ERCC4: variants seen among roughly 807,000 people sequenced by gnomAD.
ERCC4 encodes the protein ERCC excision repair 4, endonuclease catalytic subunit.
In ERCC4, 65 loss-of-function variants were observed where a neutral mutation model predicts 76.9. The observed-to-expected ratio is 0.84, with a 90% confidence interval of 0.69 to 1.04. The LOEUF is 1.04. Among genes scored for constraint, ERCC4 ranks in the 50% least tolerant of loss-of-function variants. ERCC4 has a pLI of 0.00. For missense variants in ERCC4, 1,214 were observed against 1,128.2 expected (o/e 1.08, Z -1.09); for synonymous variants, 463 against 410.1 (o/e 1.13, Z -1.56).
At chr16:13,934,325 C>T in intron 7 of ERCC4, 23 bp downstream of exon 7, 1 of 1,474,938 alleles carries the variant, frequency 6.8e-7, no homozygotes, top group Non-Finnish European at 9.5e-7. Flanking sequence ...GAGATGAAAA[C>T]ATTTGCTTCC....
At chr16:13,926,967 A>G (rs1302644670) in intron 3 of ERCC4, among the ~76,000 whole-genome samples, 1 of 152,176 alleles carries the variant, frequency 6.6e-6, no homozygotes, top group Non-Finnish European at 1.5e-5. Flanking sequence ...GAGCAATTTG[A>G]TGGTTGCTTT....
rs138583819 is a variant in ERCC4, at chr16:13,948,096, G to T, written c.2500G>T (p.Asp834Tyr). The T allele has an allele frequency of 5.8e-5, 93 of 1,614,026 alleles. No homozygotes were observed. Among genetic ancestry groups the T allele is most frequent in the Non-Finnish European group, 7.2e-5 (85 of 1,180,042 alleles). The change falls in exon 11 of 11, where the codon GAT (aspartate) becomes TAT (tyrosine). Residue 834 changes from aspartate to tyrosine, a missense_variant. Coordinates refer to ENST00000311895, the MANE Select transcript of ERCC4 (RefSeq NM_005236.3). ...DAATALAITA[D>Y]SETLPESEKY... ...GGCGACAGCACTGGCCATTACAGCA[G>T]ATTCTGAAACCCTTCCCGAGTCAGA...
intron 10 of ERCC4, among the ~76,000 whole-genome samples, chr16:13,946,832 C>G (rs540586790): frequency 1.3e-4 from 20 of 152,282 alleles, no homozygotes; most frequent in Non-Finnish European, 2.4e-4. Context: ...GCAGTCTCGG[C>G]TAACTGCAAC....
intron 2 of ERCC4, among the ~76,000 whole-genome samples, chr16:13,923,561 T>C (rs1383191971): frequency 1.3e-5 from 2 of 152,234 alleles, no homozygotes; most frequent in African/African-American, 4.8e-5. Context: ...ACTTTTATAA[T>C]TGTTATAAAC....
At position 13,947,811 on chromosome 16, in the gene ERCC4, G is replaced by A. The variant is rs765235917; in HGVS notation, c.2215G>A (p.Gly739Ser). The A allele has an allele frequency of 8.7e-6, 14 of 1,614,154 alleles. No homozygotes were observed. Among genetic ancestry groups the A allele is most frequent in the Admixed American group, 3.3e-5 (2 of 60,014 alleles). ...ISDLIGSLNN[G>S]RLYSQCISMS... ...TGATTTAATCGGCTCTTTAAATAAC[G>A]GCCGCCTCTACAGCCAGTGCATCTC... The change falls in exon 11 of 11, where the codon GGC becomes AGC. Residue 739 changes from glycine (G) to serine (S), a missense_variant. Coordinates refer to ENST00000311895, the MANE Select transcript of ERCC4 (RefSeq NM_005236.3).
chr16:13,947,454 A>T (rs977618149), intron 10 of ERCC4, among the ~76,000 whole-genome samples, 160 bp from the exon 11 acceptor site: 11 of 152,238 alleles, frequency 7.2e-5, no homozygotes, highest in African/African-American at 2.4e-4. Flanking sequence ...TACTTTATAA[A>T]CAAATCTTTT....
At chr16:13,923,431 C>A (rs1403457868) in intron 2 of ERCC4, among the ~76,000 whole-genome samples, 1 of 152,152 alleles carries the variant, frequency 6.6e-6, no homozygotes, top group Non-Finnish European at 1.5e-5. Flanking sequence ...AATCTTATTC[C>A]CACTGTATCT....
In ERCC4 at chr16:13,948,118, C is replaced by T. The variant is rs1483270175; in HGVS notation, c.2522C>T (p.Ser841Leu). ...ITADSETLPE[S>L]EKYNPGPQDF... is the part of the protein sequence containing the mutation. ...GCAGATTCTGAAACCCTTCCCGAGT[C>T]AGAGAAGTATAATCCTGGTCCCCAA... The change falls in exon 11 of 11, where the codon TCA becomes TTA. Residue 841 changes from serine (S) to leucine (L), a missense_variant. Ser to Leu is a moderately radical substitution (Grantham distance 145). Coordinates refer to ENST00000311895, the MANE Select transcript of ERCC4 (RefSeq NM_005236.3). 3 of 1,614,024 alleles carry T rather than the reference C, an allele frequency of 1.9e-6. No homozygotes were observed. The African/African-American group carries it at 4.0e-5, about 22-fold the overall frequency.
At chr16:13,946,751 TGTTTG>T (rs2032521227) in intron 10 of ERCC4, among the ~76,000 whole-genome samples, 2 of 151,792 alleles carry the variant, frequency 1.3e-5, no homozygotes, top group Non-Finnish European at 2.9e-5. Flanking sequence ...TTTTTTTGTT[TGTTTG>T]TTTGTTTGTT....
chr16:13,951,460 G>T lies in ERCC4; in HGVS notation c.*3113G>T, dbSNP rs2032628744. ...CCTCTTTTGATACTTTCTTAAAATT[G>T]TGCAAGAAGAAATCATTTTTAGTAG... On this transcript the variant is annotated 3_prime_UTR_variant, in exon 11 of 11. Transcript: ENST00000311895. The T allele has an allele frequency of 4.8e-6, 1 of 207,072 alleles. No homozygotes were observed. Among genetic ancestry groups the T allele is most frequent in the South Asian group, 1.9e-4 (1 of 5,280 alleles). The allele number at this position is 207,072 out of a possible 1,614,324, so 12.8% of individuals were successfully genotyped here.
intron 1 of ERCC4, among the ~76,000 whole-genome samples, chr16:13,921,656 T>C (rs1462021398): frequency 6.6e-6 from 1 of 152,222 alleles, no homozygotes. Context: ...GGGGAAAGGA[T>C]TCCCTTGTTA....
At chr16:13,933,693 G>A (rs1450206831) in intron 6 of ERCC4, 1 of 153,110 alleles carries the variant, frequency 6.5e-6, no homozygotes. Flanking sequence ...GGCAGTAAGA[G>A]TGAAACTTCG....
In ERCC4 at chr16:13,949,948, C is replaced by T. The variant is rs747753243; in HGVS notation, c.*1601C>T. ...TCATGTAACACAAAATTGTCTTCAACTTTAACAAAATTGTCATTGTTATTT... is the reference window on the plus strand; with the variant it reads ...TCATGTAACACAAAATTGTCTTCAATTTTAACAAAATTGTCATTGTTATTT... On this transcript the variant is annotated 3_prime_UTR_variant, in exon 11 of 11. Coordinates refer to ENST00000311895, the MANE Select transcript of ERCC4 (RefSeq NM_005236.3). 1.7e-5 allele frequency: 4 copies of T among 230,360 alleles called. No homozygotes were observed. Among genetic ancestry groups the T allele is most frequent in the Non-Finnish European group, 2.6e-5 (3 of 116,468 alleles). The allele number at this position is 230,360 out of a possible 1,614,324, so 14.3% of individuals were successfully genotyped here.
rs886051662 is a variant in ERCC4 at position 13,934,201 on chromosome 16, A to G, written c.1112A>G (p.Lys371Arg). 6.2e-7 allele frequency: 1 copy of G among 1,606,740 alleles called. No individual in the cohort carries two copies. Among genetic ancestry groups the G allele is most frequent in the Non-Finnish European group, 8.5e-7 (1 of 1,174,106 alleles). ...TTTTATTTCTCTACAGAAACAAAAA[A>G]GGAACTGGTCCTAGAAAGCAACCCA... Reference protein sequence around the residue: ...MEIKEGEETKKELVLESNPKW... With the variant: ...MEIKEGEETKRELVLESNPKW... The change falls in exon 7 of 11, where the codon AAG becomes AGG. Residue 371 changes from lysine (K) to arginine (R), a missense_variant. Physicochemically the swap from Lys to Arg is conservative, Grantham distance 26. Transcript: ENST00000311895.
At chr16:13,923,418 C>G (rs2032015377) in intron 2 of ERCC4, among the ~76,000 whole-genome samples, 1 of 134,976 alleles carries the variant, frequency 7.4e-6, no homozygotes, top group Non-Finnish European at 1.7e-5. Context: ...CTCTGAAATT[C>G]ATAATCTTAT....
In ERCC4 at chr16:13,939,588, A is replaced by G. The variant is rs370258661; in HGVS notation, c.1904+1730A>G. ...AACAAAGGCGTGCACGAAGGCTCCC[A>G]GGTACAAGAGGCCCTGTAAAGGATT... On this transcript the variant is annotated intron_variant, in intron 9 of 10. Transcript: ENST00000311895. 5.3e-5 allele frequency among the ~76,000 whole-genome samples: 8 copies of G among 152,250 alleles called. No homozygotes were observed. The East Asian group carries it at 5.8e-4, about 11-fold the overall frequency.
chr16:13,947,987 A>G lies in ERCC4; in HGVS notation c.2391A>G (p.Arg797=). 1 of 1,614,086 alleles carries G rather than the reference A, an allele frequency of 6.2e-7. No homozygotes were observed. Residue 797 remains arginine (R), a synonymous_variant, in exon 11 of 11, where the codon AGA becomes AGG. Transcript: ENST00000311895. ...CTCTTCTTACACTTCACTTCCCCAG[A>G]CTACGGATTCTCTGGTGCCCCTCTC... ...KLTLLTLHFP[R]LRILWCPSPH...
At chr16:13,929,932 C>T (rs1275608182) in intron 4 of ERCC4, among the ~76,000 whole-genome samples, 1 of 152,072 alleles carries the variant, frequency 6.6e-6, no homozygotes, top group Admixed American at 6.5e-5. Context: ...CCACTGCACT[C>T]GAGCCTGGCT....
chr16:13,926,907 A>G, intron 3 of ERCC4, 151 bp downstream of exon 3: 1 of 661,050 alleles, frequency 1.5e-6, no homozygotes, highest in Admixed American at 2.5e-5. Flanking sequence ...TAACAAACAC[A>G]TCCAGCTATA....
Sources: gnomAD v4.1 joint callset for allele counts (sites outside exome capture counted in the v4.1 genomes callset) on GRCh38, gnomAD v4.1.1 for gene constraint, MANE v1.5 for transcripts, NCBI Gene and HGNC (gene_info 2026-07-23, HGNC 2026-07-21) for gene names.